Variants in RBFOX1 observed in about 807,000 individuals in gnomAD.
RBFOX1 encodes the protein RNA binding protein fox-1 homolog 1.
Under a neutral mutation model 57.7 loss-of-function variants are expected in RBFOX1, and 8 were observed. That is an observed-to-expected ratio of 0.14 (90% CI 0.08 to 0.25). The LOEUF is 0.25. Among genes scored for constraint, RBFOX1 ranks in the 10% least tolerant of loss-of-function variants. The probability of loss-of-function intolerance (pLI) is 1.00; values close to 1 mark genes in which losing one functional copy is unlikely to be tolerated. For synonymous variants in RBFOX1, 326 were observed against 222.4 expected, an observed-to-expected ratio of 1.47 and a Z score of -4.15; for missense variants, 611 against 548.5, an observed-to-expected ratio of 1.11 and a Z score of -1.14.
chr16:7,550,768 A>G (rs1240468890), intron 5 of RBFOX1, among the ~76,000 whole-genome samples: 1 of 152,136 alleles, frequency 6.6e-6, no homozygotes, highest in Non-Finnish European at 1.5e-5. Context: ...CTCAGTATCC[A>G]CAATGACTAC....
At chr16:7,128,074 G>C (rs2069091936) in intron 4 of RBFOX1, among the ~76,000 whole-genome samples, 3 of 152,120 alleles carry the variant, frequency 2.0e-5, no homozygotes, top group South Asian at 2.1e-4. Flanking sequence ...TTCCTTAATG[G>C]GGGCTCAAGT....
chr16:6,854,775 T>C (rs914949520), intron 3 of RBFOX1, among the ~76,000 whole-genome samples: 5 of 151,852 alleles, frequency 3.3e-5, no homozygotes, highest in Non-Finnish European at 5.9e-5. Flanking sequence ...TTTGTATTTT[T>C]AGTAGAGACG....
chr16:5,487,607 TATC>T (rs1207250166), intron 2 of RBFOX1, among the ~76,000 whole-genome samples: 1 of 152,236 alleles, frequency 6.6e-6, no homozygotes, highest in Admixed American at 6.5e-5. Context: ...CTTGTATTTC[TATC>T]CCTGGGATGC....
intron 4 of RBFOX1, among the ~76,000 whole-genome samples, chr16:7,124,508 TCCCCTC>T (rs2067950766): frequency 1.1e-4 from 2 of 18,182 alleles, no homozygotes; most frequent in Non-Finnish European, 2.3e-4. Context: ...TCGCTCCCCC[TCCCCTC>T]CCCTCCCCTC....
intron 2 of RBFOX1, among the ~76,000 whole-genome samples, chr16:6,328,405 A>G (rs982454785): frequency 3.3e-5 from 5 of 152,068 alleles, no homozygotes; most frequent in Admixed American, 1.3e-4. Flanking sequence ...ACAAAATGCC[A>G]CCTGTTCCCC....
At chr16:6,689,769 G>A (rs556020090) in intron 3 of RBFOX1, among the ~76,000 whole-genome samples, 2 of 152,294 alleles carry the variant, frequency 1.3e-5, no homozygotes, top group Admixed American at 6.5e-5. Flanking sequence ...GAGCCCAGCT[G>A]TTTTGTTTCT....
intron 3 of RBFOX1, among the ~76,000 whole-genome samples, chr16:6,972,022 AAG>A (rs1253446809): frequency 6.6e-6 from 1 of 152,178 alleles, no homozygotes; most frequent in Admixed American, 6.5e-5. Flanking sequence ...ATATAGAAAG[AAG>A]AGGGGAACAG....
intron 4 of RBFOX1, among the ~76,000 whole-genome samples, chr16:5,905,537 C>T (rs1320476950): frequency 1.3e-5 from 2 of 152,060 alleles, no homozygotes; most frequent in Non-Finnish European, 2.9e-5. Context: ...CATGTTGAAA[C>T]CGAATCTCTA....
chr16:6,079,358 T>TG (rs1200278152), intron 1 of RBFOX1, among the ~76,000 whole-genome samples: 5 of 152,224 alleles, frequency 3.3e-5, no homozygotes, highest in Admixed American at 3.3e-4. Flanking sequence ...GTTTGCCAGG[T>TG]TGGAGTGTGG....
intron 1 of RBFOX1, among the ~76,000 whole-genome samples, chr16:5,319,157 A>G (rs1383523060): frequency 2.6e-5 from 4 of 152,128 alleles, no homozygotes; most frequent in Non-Finnish European, 4.4e-5. Flanking sequence ...AAACAAAAAA[A>G]CATAAAAAAC....
chr16:6,797,509 C>A (rs890645884), intron 3 of RBFOX1, among the ~76,000 whole-genome samples: 1 of 152,132 alleles, frequency 6.6e-6, no homozygotes, highest in Non-Finnish European at 1.5e-5. Flanking sequence ...TTGCTGATTT[C>A]AGGTTCCTGT....
chr16:6,986,532 T>C (rs1219763010), intron 3 of RBFOX1, among the ~76,000 whole-genome samples: 1 of 152,160 alleles, frequency 6.6e-6, no homozygotes, highest in Admixed American at 6.5e-5. Context: ...GCTCAACTGA[T>C]TCACCTGCCT....
At chr16:6,431,013 C>G (rs561358164) in intron 2 of RBFOX1, among the ~76,000 whole-genome samples, 2 of 151,524 alleles carry the variant, frequency 1.3e-5, no homozygotes, top group Admixed American at 6.6e-5. Flanking sequence ...TGCTGTGCAC[C>G]TGTAGTCCCA....
intron 4 of RBFOX1, among the ~76,000 whole-genome samples, chr16:7,342,353 C>A (rs756751290): frequency 6.6e-6 from 1 of 152,178 alleles, no homozygotes; most frequent in Non-Finnish European, 1.5e-5. Flanking sequence ...TCTGAGTTGG[C>A]ATCCTGGCTC....
chr16:5,397,403 T>G (rs565998981), intron 1 of RBFOX1, among the ~76,000 whole-genome samples: 1 of 152,170 alleles, frequency 6.6e-6, no homozygotes, highest in Non-Finnish European at 1.5e-5. Context: ...ACCTGGCAGG[T>G]GCTCTCTGCA....
chr16:6,184,862 T>C (rs1036680646), intron 1 of RBFOX1, among the ~76,000 whole-genome samples: 1 of 152,132 alleles, frequency 6.6e-6, no homozygotes, highest in African/African-American at 2.4e-5. Context: ...CCACCGCTTC[T>C]GGTCTACTAC....
chr16:5,872,034 G>T (rs1017088075), intron 4 of RBFOX1, among the ~76,000 whole-genome samples: 4 of 152,076 alleles, frequency 2.6e-5, no homozygotes, highest in African/African-American at 9.7e-5. Flanking sequence ...CTAGGCCTAG[G>T]AATCATTTAT....
chr16:5,277,604 T>G (rs1156847845), intron 1 of RBFOX1, among the ~76,000 whole-genome samples: 1 of 152,180 alleles, frequency 6.6e-6, no homozygotes, highest in African/African-American at 2.4e-5. Flanking sequence ...ATTCTACTCT[T>G]TATCTCCATG....
intron 4 of RBFOX1, among the ~76,000 whole-genome samples, chr16:7,136,648 C>G (rs949486089): frequency 1.3e-5 from 2 of 152,058 alleles, no homozygotes; most frequent in African/African-American, 4.8e-5. Flanking sequence ...AACTCCTGGC[C>G]TCAAACAATC....
Sources: allele counts gnomAD v4.1 joint callset (sites outside exome capture counted in the v4.1 genomes callset), GRCh38; gene constraint gnomAD v4.1.1; transcripts MANE v1.5; gene names NCBI Gene and HGNC (gene_info 2026-07-23, HGNC 2026-07-21).